The following ANKRD46 variants were observed in gnomAD, a reference collection of about 807,000 sequenced individuals.
ANKRD46 encodes ankyrin repeat domain-containing protein 46.
In ANKRD46, 13 loss-of-function variants were observed where a neutral mutation model predicts 19.8. That is an observed-to-expected ratio of 0.66 (90% CI 0.43 to 1.04). The LOEUF (loss-of-function observed/expected upper bound fraction) is 1.04, where lower values mean the gene tolerates loss of function less well. Ranked by LOEUF, ANKRD46 falls within the 50% of genes least tolerant of loss-of-function variation. The probability of loss-of-function intolerance (pLI) is 0.00; values close to 1 mark genes in which losing one functional copy is unlikely to be tolerated. For missense variants in ANKRD46, 185 were observed against 274.8 expected (o/e 0.67, Z 2.31); for synonymous variants, 91 against 106.9 (o/e 0.85, Z 0.92).
At position 100,557,623 on chromosome 8, in the gene ANKRD46, T is replaced by C. The variant is rs762258434; in HGVS notation, c.-131+2088A>G. On this transcript the variant is annotated intron_variant, in intron 1 of 4. Coordinates refer to ENST00000335659, the MANE Select transcript of ANKRD46 (RefSeq NM_001270377.2). The surrounding 1 kb of genome is among the most constrained non-coding windows in gnomAD (Gnocchi z 5.9). ...CAGAGTAAAAGCAAAAGTCCTTACC[T>C]GGGCCCATTAGCTCTCTGACCTTGT... 2.0e-5 allele frequency among the ~76,000 whole-genome samples: 3 copies of C among 152,204 alleles called. No individual in the cohort carries two copies. The highest frequency in any genetic ancestry group is 4.4e-5 in the Non-Finnish European group (3 of 68,028).
chr8:100,542,250 T>C (rs1812188349), intron 1 of ANKRD46, among the ~76,000 whole-genome samples: 1 of 152,148 alleles, frequency 6.6e-6, no homozygotes, highest in East Asian at 1.9e-4. Context: ...CAGAATTCTT[T>C]ACGTATCCTT....
At chr8:100,549,093 A>C (rs1455034131) in intron 1 of ANKRD46, among the ~76,000 whole-genome samples, 2 of 151,226 alleles carry the variant, frequency 1.3e-5, no homozygotes, top group Non-Finnish European at 2.9e-5. Context: ...ATTTTATATA[A>C]TATGGAATAC....
rs954979213 is a variant in ANKRD46, at chr8:100,546,921, C to T, written c.-131+12790G>A. ...TTCAGACTTGCATGAGGCCTGAGGC[C>T]CCTTTGTTTTGGCCAATTTCTCCCA... On this transcript the variant is annotated intron_variant, in intron 1 of 4. Transcript: ENST00000335659. This position sits in a 1 kb window ranked among gnomAD's most constrained non-coding sequence, Gnocchi z 4.0. Among the ~76,000 whole-genome samples the T allele has an allele frequency of 2.6e-5, 4 of 152,130 alleles. No homozygotes were observed. Among genetic ancestry groups the T allele is most frequent in the Admixed American group, 1.3e-4 (2 of 15,270 alleles).
Position 100,557,934 on chromosome 8 carries a change from C to T in ANKRD46, c.-131+1777G>A, listed in dbSNP as rs150369304. On this transcript the variant is annotated intron_variant, in intron 1 of 4. Transcript: ENST00000335659. The surrounding 1 kb of genome is among the most constrained non-coding windows in gnomAD (Gnocchi z 5.9). ...AACTGTTACCATCTGACTCCAGATA[C>T]GTTAACTTTCACAAATCCCGCTTAT... 6.6e-6 allele frequency among the ~76,000 whole-genome samples: 1 copy of T among 152,150 alleles called. No homozygotes were observed. Among genetic ancestry groups the T allele is most frequent in the Non-Finnish European group, 1.5e-5 (1 of 68,032 alleles).
At position 100,527,987 on chromosome 8, in the gene ANKRD46, T is replaced by C. The variant is rs1339546171; in HGVS notation, c.328A>G (p.Thr110Ala). The C allele has an allele frequency of 1.8e-5, 27 of 1,528,670 alleles. No individual in the cohort carries two copies. Among genetic ancestry groups the C allele is most frequent in the Non-Finnish European group, 2.4e-5 (27 of 1,146,844 alleles). 94.7% of individuals were successfully genotyped at this position (1,528,670 alleles called of 1,614,324 possible). The change falls in exon 4 of 5, where the codon ACC (threonine) becomes GCC (alanine). Residue 110 changes from threonine (T) to alanine (A), a missense_variant. By Grantham distance (58) the Thr-to-Ala change is moderately conservative. Coordinates refer to ENST00000335659, the MANE Select transcript of ANKRD46 (RefSeq NM_001270377.2). This position sits in a 1 kb window ranked among gnomAD's most constrained non-coding sequence, Gnocchi z 4.0. ...CTGCGCTTTGCCAGAACTAAAGGGG[T>C]AGCACCTTGATGATTGCTAAAAAAA... Reference protein sequence around the residue: ...KIDICNHQGATPLVLAKRRGV... With the variant: ...KIDICNHQGAAPLVLAKRRGV...
intron 1 of ANKRD46, chr8:100,551,242 G>A (rs959796311): frequency 2.8e-5 from 13 of 470,852 alleles, no homozygotes; most frequent in Non-Finnish European, 3.2e-5. Context: ...CTTGGCCGGG[G>A]GATTAAGCAG....
At chr8:100,554,565 A>T (rs1421283518) in intron 1 of ANKRD46, 1 of 152,146 alleles carries the variant, frequency 6.6e-6, no homozygotes, top group Admixed American at 6.6e-5. Context: ...TACAAAAAAA[A>T]TTTAAAAATA....
intron 1 of ANKRD46, among the ~76,000 whole-genome samples, chr8:100,552,063 T>C (rs1460394533): frequency 2.0e-5 from 3 of 147,738 alleles, no homozygotes; most frequent in African/African-American, 7.6e-5. Context: ...GGCAGGAGAA[T>C]AGCTTGAACC....
chr8:100,518,667 T>C (rs544266075), downstream of ANKRD46, among the ~76,000 whole-genome samples: 8 of 152,026 alleles, frequency 5.3e-5, no homozygotes, highest in South Asian at 4.2e-4. Context: ...CTGGCTAACA[T>C]GGTGAAACCC....
At chr8:100,547,513 C>T (rs577080518) in intron 1 of ANKRD46, among the ~76,000 whole-genome samples, 4 of 152,214 alleles carry the variant, frequency 2.6e-5, no homozygotes, top group East Asian at 1.9e-4. Flanking sequence ...TTTAGAGCAG[C>T]GTGAAAACAG....
rs570408296 is a variant in ANKRD46, at chr8:100,527,447, C to T, written c.470+398G>A. ...AATTCCATTCTTTTTGTGACCTGTA[C>T]TTAAAATCATCAAGCTCCGGCTTCC... On this transcript the variant is annotated intron_variant, in intron 4 of 4. Coordinates refer to ENST00000335659, the MANE Select transcript of ANKRD46 (RefSeq NM_001270377.2). This position sits in a 1 kb window ranked among gnomAD's most constrained non-coding sequence, Gnocchi z 4.0. Among the ~76,000 whole-genome samples, 3 of 152,264 alleles carry T rather than the reference C, an allele frequency of 2.0e-5. No homozygotes were observed. The highest frequency in any genetic ancestry group is 4.4e-5 in the Non-Finnish European group (3 of 68,020).
At chr8:100,547,116 CTG>C (rs1386340061) in intron 1 of ANKRD46, among the ~76,000 whole-genome samples, 1 of 152,074 alleles carries the variant, frequency 6.6e-6, no homozygotes, top group Non-Finnish European at 1.5e-5. Flanking sequence ...CTTTGGGGGA[CTG>C]TTGGGAAGGC....
chr8:100,539,606 T>A (rs1409565519), intron 1 of ANKRD46, among the ~76,000 whole-genome samples: 1 of 152,270 alleles, frequency 6.6e-6, no homozygotes, highest in East Asian at 1.9e-4. Flanking sequence ...TTGTGGTATT[T>A]CCAACATTTC....
chr8:100,529,495 T>C lies in ANKRD46; in HGVS notation c.311+28A>G, dbSNP rs754179939. ...TGAGAGATTAATGGGAAGAAATGACTAGACTTCTAAAACAACAGAGAACTT... is the reference window on the plus strand; with the variant it reads ...TGAGAGATTAATGGGAAGAAATGACCAGACTTCTAAAACAACAGAGAACTT... On this transcript the variant is annotated intron_variant, in intron 3 of 4. Transcript: ENST00000335659. This position sits in a 1 kb window ranked among gnomAD's most constrained non-coding sequence, Gnocchi z 5.8. The C allele has an allele frequency of 1.1e-5, 17 of 1,585,592 alleles. No individual in the cohort carries two copies. Among genetic ancestry groups the C allele is most frequent in the Non-Finnish European group, 1.4e-5 (16 of 1,162,396 alleles).
At position 100,536,373 on chromosome 8, in the gene ANKRD46, T is replaced by TA. The variant is rs753695868; in HGVS notation, c.-130-3063dup. On this transcript the variant is annotated intron_variant, in intron 1 of 4. Transcript: ENST00000335659. This position sits in a 1 kb window ranked among gnomAD's most constrained non-coding sequence, Gnocchi z 4.9. ...AGACAATTTTCTTGTCAGATGCTGT[T>TA]AAAAAAACTTGATTACTCCACCCAG... 1.3e-4 allele frequency among the ~76,000 whole-genome samples: 20 copies of TA among 152,256 alleles called. No individual in the cohort carries two copies. Among genetic ancestry groups the TA allele is most frequent in the Non-Finnish European group, 1.6e-4 (11 of 68,018 alleles).
downstream of ANKRD46, among the ~76,000 whole-genome samples, chr8:100,516,117 C>A (rs2844050): frequency 0.076 from 11,572 of 152,238 alleles, 521 homozygotes; most frequent in Non-Finnish European, 0.097. Flanking sequence ...GGTGATCCAC[C>A]CGCCTCGGCC....
chr8:100,530,870 A>G (rs1811947154), intron 2 of ANKRD46, among the ~76,000 whole-genome samples: 1 of 152,214 alleles, frequency 6.6e-6, no homozygotes, highest in African/African-American at 2.4e-5. Context: ...AGGGGAAAAA[A>G]AAGTAGGGCT....
At position 100,522,635 on chromosome 8, in the gene ANKRD46, C is replaced by G; in HGVS notation, c.607G>C (p.Ala203Pro). The G allele has an allele frequency of 6.2e-7, 1 of 1,614,032 alleles. No individual in the cohort carries two copies. The highest frequency in any genetic ancestry group is 8.5e-7 in the Non-Finnish European group (1 of 1,180,016). The change falls in exon 5 of 5, where the codon GCT (alanine) becomes CCT (proline). Residue 203 changes from alanine (A) to proline (P), a missense_variant. Transcript: ENST00000335659. ...WRVLLLIFVI[A>P]LLSLGIAYYV... ...TAAGCAATGCCAAGAGACAGCAAAG[C>G]AATGACGAAGATCAACAGCAATACT...
intron 1 of ANKRD46, among the ~76,000 whole-genome samples, chr8:100,538,103 T>A (rs573173691): frequency 6.6e-6 from 1 of 152,298 alleles, no homozygotes; most frequent in East Asian, 1.9e-4. Context: ...TTTCTTGAAG[T>A]CTAGACATAG....
Sources: gnomAD v4.1 joint callset for allele counts (sites outside exome capture counted in the v4.1 genomes callset) on GRCh38, gnomAD v4.1.1 for gene constraint, Gnocchi (gnomAD v3.1) non-coding constraint, MANE v1.5 for transcripts, NCBI Gene and HGNC (gene_info 2026-07-23, HGNC 2026-07-21) for gene names.